CCDC148: variants seen among roughly 807,000 people sequenced by gnomAD.
CCDC148 encodes the protein coiled-coil domain-containing protein 148.
CCDC148 carries 89 observed loss-of-function variants against 85.7 expected under a neutral mutation model. The observed-to-expected ratio is 1.04, with a 90% confidence interval of 0.87 to 1.24. The LOEUF (loss-of-function observed/expected upper bound fraction) is 1.24, where lower values mean the gene tolerates loss of function less well. Ranked by LOEUF, CCDC148 falls within the 50% of genes most tolerant of loss-of-function variation. The pLI, the probability that CCDC148 is intolerant of heterozygous loss-of-function variation, is 0.00. For synonymous variants in CCDC148, 230 were observed against 213.9 expected, an observed-to-expected ratio of 1.08 and a Z score of -0.66; for missense variants, 692 against 671.7, an observed-to-expected ratio of 1.03 and a Z score of -0.33.
intron 1 of CCDC148, among the ~76,000 whole-genome samples, chr2:158,419,766 T>G (rs1450193538): frequency 1.3e-5 from 2 of 152,108 alleles, no homozygotes; most frequent in African/African-American, 4.8e-5. Context: ...CAAGCCCATT[T>G]CCCTCATTAG....
At chr2:158,215,344 A>C (rs1686792684) in intron 11 of CCDC148, among the ~76,000 whole-genome samples, 1 of 152,166 alleles carries the variant, frequency 6.6e-6, no homozygotes, top group Non-Finnish European at 1.5e-5. Context: ...TTGCAGAGAT[A>C]CCATGTATCA....
chr2:158,437,120 C>A (rs539525603), intron 1 of CCDC148, among the ~76,000 whole-genome samples: 213 of 152,296 alleles, frequency 1.4e-3, no homozygotes, highest in Non-Finnish European at 2.4e-3. Context: ...CTCCCTAACT[C>A]ATTTTATGAG....
chr2:158,438,083 C>G (rs923932318), intron 1 of CCDC148, among the ~76,000 whole-genome samples: 6 of 152,150 alleles, frequency 3.9e-5, no homozygotes, highest in Non-Finnish European at 8.8e-5. Context: ...CCATCCCCAT[C>G]AAGCTACCAA....
At chr2:158,244,381 C>T (rs1447530905) in intron 10 of CCDC148, among the ~76,000 whole-genome samples, 1 of 152,136 alleles carries the variant, frequency 6.6e-6, no homozygotes, top group Non-Finnish European at 1.5e-5. Flanking sequence ...GGGCTCTCTG[C>T]TTATGGTATC....
chr2:158,355,340 A>G (rs1235707514), intron 2 of CCDC148, among the ~76,000 whole-genome samples: 1 of 152,052 alleles, frequency 6.6e-6, no homozygotes, highest in Non-Finnish European at 1.5e-5. Context: ...CCATTGTCTC[A>G]GCCCAAAATC....
chr2:158,290,294 A>G (rs1417251220), intron 9 of CCDC148, among the ~76,000 whole-genome samples: 1 of 152,168 alleles, frequency 6.6e-6, no homozygotes, highest in African/African-American at 2.4e-5. Context: ...GTCAGTATAC[A>G]ATCACATTTC....
intron 1 of CCDC148, among the ~76,000 whole-genome samples, chr2:158,450,616 A>G (rs1297422977): frequency 1.3e-5 from 2 of 152,202 alleles, no homozygotes; most frequent in African/African-American, 4.8e-5. Context: ...AGCATTTTGA[A>G]TACGTCCTTT....
intron 1 of CCDC148, among the ~76,000 whole-genome samples, chr2:158,418,461 T>G (rs1686609758): frequency 1.3e-5 from 2 of 152,180 alleles, no homozygotes; most frequent in Non-Finnish European, 2.9e-5. Flanking sequence ...CTTCCAGCCT[T>G]AAAAACTATC....
intron 8 of CCDC148, 130 bp from the exon 9 acceptor site, chr2:158,309,769 T>A: frequency 1.4e-6 from 1 of 727,390 alleles, no homozygotes; most frequent in Non-Finnish European, 2.2e-6. Flanking sequence ...AAATATTTAA[T>A]CGTAAATACA....
chr2:158,177,897 C>T (rs1285578989), intron 12 of CCDC148, among the ~76,000 whole-genome samples: 1 of 152,062 alleles, frequency 6.6e-6, no homozygotes. Flanking sequence ...GTTTCCTCTC[C>T]TATAAAATGG....
At chr2:158,198,566 G>A (rs745919908) in intron 11 of CCDC148, among the ~76,000 whole-genome samples, 42 of 152,070 alleles carry the variant, frequency 2.8e-4, no homozygotes, top group Non-Finnish European at 1.6e-4. Flanking sequence ...TTACACACAC[G>A]TCATTTCATG....
chr2:158,425,980 C>T (rs976097697), intron 1 of CCDC148, among the ~76,000 whole-genome samples: 1 of 152,070 alleles, frequency 6.6e-6, no homozygotes, highest in African/African-American at 2.4e-5. Context: ...CTTTGAATTG[C>T]TAATTACTTC....
chr2:158,317,483 T>A lies in CCDC148; in HGVS notation c.765-3589A>T, dbSNP rs536962987. Among the ~76,000 whole-genome samples the A allele has an allele frequency of 5.3e-5, 8 of 152,240 alleles. No homozygotes were observed. In the East Asian group the frequency reaches 1.4e-3, roughly 26 times the overall value. On this transcript the variant is annotated intron_variant, in intron 7 of 13. Transcript: ENST00000283233. ...CATTTTATTATGATTTCTCAGGAAG[T>A]GAGACAAAACAGATAATTCAGAAAA...
At chr2:158,210,691 C>A (rs560050538) in intron 11 of CCDC148, among the ~76,000 whole-genome samples, 1 of 151,154 alleles carries the variant, frequency 6.6e-6, no homozygotes, top group Non-Finnish European at 1.5e-5. Context: ...CACCTGTAAT[C>A]CCAGCACTTT....
At chr2:158,298,674 T>G (rs75669644) in intron 9 of CCDC148, among the ~76,000 whole-genome samples, 6,982 of 152,296 alleles carry the variant, frequency 0.046, 530 homozygotes, top group African/African-American at 0.16. Context: ...ATTCTTAATT[T>G]AAGGTACTAT....
At chr2:158,282,261 T>C (rs1227192101) in intron 9 of CCDC148, among the ~76,000 whole-genome samples, 3 of 152,074 alleles carry the variant, frequency 2.0e-5, no homozygotes, top group Non-Finnish European at 4.4e-5. Context: ...GAACATAGTG[T>C]TGGAAGTTCT....
At chr2:158,267,951 T>C (rs1364045983) in intron 9 of CCDC148, among the ~76,000 whole-genome samples, 5 of 152,164 alleles carry the variant, frequency 3.3e-5, no homozygotes, top group Non-Finnish European at 7.4e-5. Context: ...CTTTGAGAAG[T>C]ATTCCATTGT....
In CCDC148 at chr2:158,171,649, G is replaced by A. The variant is rs1203959577; in HGVS notation, c.*464C>T. The A allele has an allele frequency of 6.6e-6, 1 of 151,900 alleles. No homozygotes were observed. The highest frequency in any genetic ancestry group is 1.5e-5 in the Non-Finnish European group (1 of 67,934). 9.4% of individuals were successfully genotyped at this position (151,900 alleles called of 1,614,324 possible). On this transcript the variant is annotated 3_prime_UTR_variant, in exon 14 of 14. Coordinates refer to ENST00000283233, the MANE Select transcript of CCDC148 (RefSeq NM_138803.4). Reference sequence around the variant, plus strand: ...TACCAAATTGGTTTCTAAATTTAGAGAAAGGTTGAGTCTCCTCTTATAATA... The same window carrying A: ...TACCAAATTGGTTTCTAAATTTAGAAAAAGGTTGAGTCTCCTCTTATAATA...
intron 11 of CCDC148, among the ~76,000 whole-genome samples, chr2:158,208,167 T>C (rs1286916965): frequency 3.9e-5 from 6 of 152,200 alleles, no homozygotes; most frequent in Admixed American, 6.5e-5. Flanking sequence ...AACTGGATGC[T>C]GTAACAAATG....
Sources: allele counts gnomAD v4.1 joint callset (sites outside exome capture counted in the v4.1 genomes callset), GRCh38; gene constraint gnomAD v4.1.1; transcripts MANE v1.5; gene names NCBI Gene and HGNC (gene_info 2026-07-23, HGNC 2026-07-21).